The following UBXN11 variants were observed in gnomAD, a reference collection of about 807,000 sequenced individuals.
The protein encoded by UBXN11 is UBX domain protein 11, also known as UBX domain-containing protein 11.
A neutral mutation model predicts 62.8 loss-of-function variants in UBXN11; 47 were observed. The ratio of observed to expected loss-of-function variants is 0.75; its 90% CI spans 0.59 to 0.95. The LOEUF is 0.95. Ranked by LOEUF, UBXN11 falls within the 40% of genes least tolerant of loss-of-function variation. The probability of loss-of-function intolerance (pLI) is 0.00; values close to 1 mark genes in which losing one functional copy is unlikely to be tolerated. For missense variants in UBXN11, 638 were observed against 661.7 expected, an observed-to-expected ratio of 0.96 and a Z score of 0.39; for synonymous variants, 294 against 267.0, an observed-to-expected ratio of 1.10 and a Z score of -0.99.
chr1:26,309,936 G>A (rs1181968302), upstream of UBXN11, among the ~76,000 whole-genome samples: 1 of 152,122 alleles, frequency 6.6e-6, no homozygotes, highest in Non-Finnish European at 1.5e-5. Flanking sequence ...CTCCTGAAAA[G>A]GTGTTCTTCT....
At chr1:26,314,033 G>C (rs967011104) in intron 1 of UBXN11, among the ~76,000 whole-genome samples, 1 of 152,054 alleles carries the variant, frequency 6.6e-6, no homozygotes, top group Non-Finnish European at 1.5e-5. Flanking sequence ...ACTCGCCTCG[G>C]CCTCTCAAAG....
chr1:26,305,837 C>T (rs1279373066), intron 1 of UBXN11, among the ~76,000 whole-genome samples: 1 of 152,166 alleles, frequency 6.6e-6, no homozygotes, highest in Non-Finnish European at 1.5e-5. Flanking sequence ...ACCCTGCAGG[C>T]TAAACTCTCT....
chr1:26,301,767 C>T lies in UBXN11; in HGVS notation c.72-45G>A, dbSNP rs768422926. Reference sequence around the variant, plus strand: ...GAAGGAAGAAATATAAGTTAGGGCCCCTGGAATGATACCAGGGATAAGGCT... The same window carrying T: ...GAAGGAAGAAATATAAGTTAGGGCCTCTGGAATGATACCAGGGATAAGGCT... On this transcript the variant is annotated intron_variant, in intron 2 of 14. Coordinates refer to ENST00000374222, the MANE Select transcript of UBXN11 (RefSeq NM_001389556.1). The T allele has an allele frequency of 2.5e-6, 4 of 1,612,142 alleles. No individual in the cohort carries two copies. The East Asian group carries it at 8.9e-5, about 36-fold the overall frequency.
intron 12 of UBXN11, among the ~76,000 whole-genome samples, chr1:26,283,439 TGAG>T (rs2073050602): frequency 6.6e-6 from 1 of 152,002 alleles, no homozygotes; most frequent in Non-Finnish European, 1.5e-5. Flanking sequence ...AAGGTTGGTG[TGAG>T]GAGGGGCCTG....
intron 1 of UBXN11, among the ~76,000 whole-genome samples, chr1:26,317,735 A>C: frequency 6.6e-6 from 1 of 151,164 alleles, no homozygotes; most frequent in African/African-American, 2.4e-5. Flanking sequence ...GGCCCTACTT[A>C]CTCCCACCGT....
At chr1:26,309,491 G>A (rs1465438278), upstream of UBXN11, among the ~76,000 whole-genome samples, 1 of 152,020 alleles carries the variant, frequency 6.6e-6, no homozygotes, top group Non-Finnish European at 1.5e-5. Context: ...ACCCGCCTCA[G>A]CCTCCCAAAG....
intron 1 of UBXN11, among the ~76,000 whole-genome samples, chr1:26,317,146 C>G (rs1463796162): frequency 7.3e-5 from 11 of 151,098 alleles, no homozygotes; most frequent in African/African-American, 2.7e-4. Flanking sequence ...GAGGCCAAGG[C>G]AGGATAATTG....
At position 26,285,999 on chromosome 1, in the gene UBXN11, G is replaced by T; in HGVS notation, c.598C>A (p.Leu200Met). 3 of 1,611,782 alleles carry T rather than the reference G, an allele frequency of 1.9e-6. No individual in the cohort carries two copies. The highest frequency in any genetic ancestry group is 2.5e-6 in the Non-Finnish European group (3 of 1,178,414). Residue 200 changes from leucine (L) to methionine (M), a missense_variant, in exon 9 of 15, where the codon CTG becomes ATG. Physicochemically the swap from Leu to Met is conservative, Grantham distance 15 (BLOSUM62 2). Transcript: ENST00000374222. ...LAPPEVDFDRLLASLQDLSEL... is the reference protein window; with the variant it reads ...LAPPEVDFDRMLASLQDLSEL... ...CTAAGATCCTGCAGGCTGGCCAGCA[G>T]CCTGTCAAAGTCCACCTCAGGGGGC...
At chr1:26,284,296 G>A (rs756378036) in intron 11 of UBXN11, 51 bp from the exon 12 acceptor site, 16 of 1,610,462 alleles carry the variant, frequency 9.9e-6, no homozygotes, top group East Asian at 6.7e-5. Flanking sequence ...GAGTGGTGGT[G>A]GAGCCCCCCT....
intron 7 of UBXN11, among the ~76,000 whole-genome samples, chr1:26,295,903 C>T (rs533580284): frequency 6.6e-6 from 1 of 152,234 alleles, no homozygotes; most frequent in South Asian, 2.1e-4. Context: ...AACTGTGTGG[C>T]GGAGACGCAT....
intron 9 of UBXN11, 29 bp from the exon 10 acceptor site, chr1:26,285,570 T>G (rs1570084591): frequency 2.0e-6 from 3 of 1,532,542 alleles, no homozygotes; most frequent in East Asian, 2.3e-5. Flanking sequence ...AGTGAGGGGG[T>G]GGCCTGGGCC....
intron 8 of UBXN11, among the ~76,000 whole-genome samples, 189 bp from the exon 9 acceptor site, chr1:26,286,226 G>A (rs1472868255): frequency 6.6e-5 from 10 of 152,342 alleles, no homozygotes; most frequent in African/African-American, 1.2e-4. Flanking sequence ...TGTGCTAGGG[G>A]TTTACTATCC....
intron 1 of UBXN11, among the ~76,000 whole-genome samples, chr1:26,316,628 A>C (rs762149751): frequency 1.6e-4 from 24 of 152,148 alleles, no homozygotes; most frequent in Non-Finnish European, 2.2e-4. Context: ...CGACCTTAGC[A>C]AGTCACTTAA....
Position 26,318,342 on chromosome 1 carries a change from C to T in UBXN11, c.-444G>A, listed in dbSNP as rs560327828. 20 of 426,906 alleles carry T rather than the reference C, an allele frequency of 4.7e-5. No individual in the cohort carries two copies. The South Asian group carries it at 7.2e-4, about 15-fold the overall frequency. The allele number at this position is 426,906 out of a possible 1,614,324, so 26.4% of individuals were successfully genotyped here. Reference sequence around the variant, plus strand: ...CAGGGTGCTAGGCGCGTTGGGGCACCCAAGGGGTGTTGTGGAATAATAGAG... The same window carrying T: ...CAGGGTGCTAGGCGCGTTGGGGCACTCAAGGGGTGTTGTGGAATAATAGAG... On this transcript the variant is annotated 5_prime_UTR_variant, in exon 1 of 15. Coordinates refer to the UBXN11 transcript ENST00000374217.
chr1:26,289,193 A>G (rs1354258838), intron 8 of UBXN11, among the ~76,000 whole-genome samples: 1 of 152,142 alleles, frequency 6.6e-6, no homozygotes, highest in Non-Finnish European at 1.5e-5. Context: ...TATGGGCCTC[A>G]GCTTCCTCTT....
intron 1 of UBXN11, among the ~76,000 whole-genome samples, chr1:26,313,902 T>G (rs1354386534): frequency 4.0e-5 from 6 of 151,218 alleles, no homozygotes; most frequent in Non-Finnish European, 8.8e-5. Flanking sequence ...TACCTCAGCC[T>G]CCCGAGTAGC....
At chr1:26,304,730 G>A in intron 1 of UBXN11, among the ~76,000 whole-genome samples, 1 of 152,066 alleles carries the variant, frequency 6.6e-6, no homozygotes, top group Non-Finnish European at 1.5e-5. Context: ...TCCAGCCTGG[G>A]TGACAGAGCA....
chr1:26,308,333 C>T (rs1319529853), upstream of UBXN11, among the ~76,000 whole-genome samples: 2 of 151,586 alleles, frequency 1.3e-5, no homozygotes, highest in African/African-American at 2.4e-5. Context: ...CAGGGTAGTA[C>T]AGCGGCTTGC....
chr1:26,302,707 T>C (rs1007701989), intron 2 of UBXN11, 106 bp downstream of exon 2: 1 of 1,262,424 alleles, frequency 7.9e-7, no homozygotes, highest in Non-Finnish European at 1.1e-6. Flanking sequence ...TATGTGGCCC[T>C]TCTTTGTATT....
Sources: allele counts gnomAD v4.1 joint callset (sites outside exome capture counted in the v4.1 genomes callset), GRCh38; gene constraint gnomAD v4.1.1; transcripts MANE v1.5; gene names NCBI Gene and HGNC (gene_info 2026-07-23, HGNC 2026-07-21).